The following CRACDL variants were observed in gnomAD, a reference collection of about 807,000 sequenced individuals.
CRACDL encodes the protein CRACD like.
Under a neutral mutation model 70.6 loss-of-function variants are expected in CRACDL, and 26 were observed. The ratio of observed to expected loss-of-function variants is 0.37; its 90% CI spans 0.27 to 0.51. CRACDL has a LOEUF of 0.51. Ranked by LOEUF, CRACDL falls within the 20% of genes least tolerant of loss-of-function variation. The pLI, the probability that CRACDL is intolerant of heterozygous loss-of-function variation, is 0.94. For synonymous variants in CRACDL, 618 were observed against 615.2 expected (o/e 1.00, Z -0.07); for missense variants, 1,283 against 1,376.9 (o/e 0.93, Z 1.08).
intron 7 of CRACDL, among the ~76,000 whole-genome samples, chr2:98,802,269 C>A (rs1421832451): frequency 2.6e-5 from 4 of 152,264 alleles, no homozygotes; most frequent in African/African-American, 9.6e-5. Context: ...GCACCGCAGT[C>A]CCGCTATCCA....
In CRACDL at chr2:98,822,442, C is replaced by A; in HGVS notation, c.1831G>T (p.Ala611Ser). ...AGACCCTGGAGGTCGTCAAGAGCCG[C>A]CTCGCTCCTCCAGACCGGGCCGCTC... ...ARSGPVWRSE[A>S]ALDDLQGLPE... The change falls in exon 7 of 10, where the codon GCG (alanine) becomes TCG (serine). Residue 611 changes from alanine (A) to serine (S), a missense_variant. Ala to Ser is a moderately conservative substitution (Grantham distance 99). Transcript: ENST00000397899. This position sits in a 1 kb window ranked among gnomAD's most constrained non-coding sequence, Gnocchi z 4.9. 6.7e-7 allele frequency: 1 copy of A among 1,483,518 alleles called. No individual in the cohort carries two copies. Among genetic ancestry groups the A allele is most frequent in the Non-Finnish European group, 8.9e-7 (1 of 1,125,148 alleles). The allele number at this position is 1,483,518 out of a possible 1,614,324, so 91.9% of individuals were successfully genotyped here. A position where few individuals can be genotyped will look rare whatever the true frequency, so the allele number is the denominator to read the frequency against.
intron 7 of CRACDL, among the ~76,000 whole-genome samples, chr2:98,820,401 G>A (rs571559676): frequency 1.6e-4 from 24 of 151,228 alleles, no homozygotes; most frequent in Non-Finnish European, 3.0e-4. Context: ...GTGTAGTATC[G>A]TGTGTGCCTG....
At chr2:98,901,873 T>G (rs1489388281) in intron 1 of CRACDL, among the ~76,000 whole-genome samples, 3 of 151,224 alleles carry the variant, frequency 2.0e-5, no homozygotes, top group Admixed American at 6.6e-5. Context: ...TGGCTGCACA[T>G]CAGGATCAAA....
intron 1 of CRACDL, among the ~76,000 whole-genome samples, chr2:98,864,378 G>GAT (rs2104579885): frequency 1.3e-5 from 2 of 152,274 alleles, no homozygotes; most frequent in African/African-American, 4.8e-5. Flanking sequence ...GAGACACAGA[G>GAT]TAGATTAGTG....
intron 7 of CRACDL, among the ~76,000 whole-genome samples, chr2:98,821,084 AGTTTTTAC>A (rs1395929169): frequency 1.3e-5 from 2 of 152,248 alleles, no homozygotes; most frequent in Non-Finnish European, 2.9e-5. Flanking sequence ...TATCAAAATC[AGTTTTTAC>A]GTTTCTCTTT....
At chr2:98,914,296 C>G (rs1466225570) in intron 1 of CRACDL, among the ~76,000 whole-genome samples, 2 of 152,200 alleles carry the variant, frequency 1.3e-5, no homozygotes, top group Admixed American at 6.5e-5. Flanking sequence ...CCCAGCCCCC[C>G]ACAGCAAGGA....
At chr2:98,905,113 A>G (rs1011448220) in intron 1 of CRACDL, among the ~76,000 whole-genome samples, 2 of 151,502 alleles carry the variant, frequency 1.3e-5, no homozygotes, top group African/African-American at 2.4e-5. Context: ...AGCCGGGCAT[A>G]GTGGCGGGTG....
chr2:98,804,466 AT>A (rs1559201452), intron 7 of CRACDL, among the ~76,000 whole-genome samples: 3 of 152,196 alleles, frequency 2.0e-5, no homozygotes, highest in Non-Finnish European at 4.4e-5. Context: ...GAGTTTCCCA[AT>A]GTGCAAGTTC....
chr2:98,935,688 G>A (rs945311738), intron 1 of CRACDL, among the ~76,000 whole-genome samples: 4 of 152,218 alleles, frequency 2.6e-5, no homozygotes, highest in African/African-American at 9.6e-5. Context: ...GTTGGGTCCA[G>A]CAAAGTGAGC....
At chr2:98,902,645 T>C (rs1381339842) in intron 1 of CRACDL, among the ~76,000 whole-genome samples, 1 of 152,030 alleles carries the variant, frequency 6.6e-6, no homozygotes, top group Non-Finnish European at 1.5e-5. Flanking sequence ...GGCCTGACCA[T>C]CCCTGGAGCT....
intron 1 of CRACDL, among the ~76,000 whole-genome samples, chr2:98,874,434 C>G (rs562737313): frequency 6.6e-6 from 1 of 152,302 alleles, no homozygotes; most frequent in African/African-American, 2.4e-5. Context: ...ATGCCCTAGC[C>G]GGGAGTCAGG....
chr2:98,927,206 A>G (rs1419162694), intron 1 of CRACDL, among the ~76,000 whole-genome samples: 2 of 152,168 alleles, frequency 1.3e-5, no homozygotes, highest in Non-Finnish European at 2.9e-5. Flanking sequence ...ACTAATGCAG[A>G]GCAGCAGGTG....
At chr2:98,831,756 GC>G (rs1000271352) in intron 5 of CRACDL, among the ~76,000 whole-genome samples, 2 of 152,134 alleles carry the variant, frequency 1.3e-5, no homozygotes, top group African/African-American at 2.4e-5. Flanking sequence ...GTTCCTCGGG[GC>G]CCCCCTCTTG....
At chr2:98,809,125 T>C (rs1314547840) in intron 7 of CRACDL, among the ~76,000 whole-genome samples, 2 of 152,144 alleles carry the variant, frequency 1.3e-5, no homozygotes, top group Non-Finnish European at 2.9e-5. Context: ...ATGTGTAGCC[T>C]CTGGGCGAAG....
At chr2:98,828,830 A>G (rs985671789) in intron 5 of CRACDL, among the ~76,000 whole-genome samples, 5 of 152,244 alleles carry the variant, frequency 3.3e-5, no homozygotes, top group Non-Finnish European at 7.3e-5. Context: ...TCTCCTGGCA[A>G]CAAGTACATC....
At chr2:98,849,539 C>G (rs892028476) in intron 1 of CRACDL, among the ~76,000 whole-genome samples, 1 of 151,582 alleles carries the variant, frequency 6.6e-6, no homozygotes, top group African/African-American at 2.4e-5. Context: ...CTGCACGGGG[C>G]AGAGGGTTCA....
intron 1 of CRACDL, among the ~76,000 whole-genome samples, chr2:98,851,998 A>T (rs1706500336): frequency 6.6e-6 from 1 of 152,188 alleles, no homozygotes; most frequent in African/African-American, 2.4e-5. Context: ...TTATGTGTGT[A>T]GGGCTTTTGA....
chr2:98,867,395 C>A (rs1238943176), intron 1 of CRACDL, among the ~76,000 whole-genome samples: 1 of 152,156 alleles, frequency 6.6e-6, no homozygotes, highest in African/African-American at 2.4e-5. Flanking sequence ...TAAGCCTGCA[C>A]GAACACCCCT....
chr2:98,800,120 C>T (rs1242221041), intron 7 of CRACDL, among the ~76,000 whole-genome samples: 9 of 152,208 alleles, frequency 5.9e-5, no homozygotes, highest in African/African-American at 1.2e-4. Context: ...TGAGCAAGGA[C>T]GACCTTATAT....
Sources: allele counts gnomAD v4.1 joint callset (sites outside exome capture counted in the v4.1 genomes callset), GRCh38; gene constraint gnomAD v4.1.1; non-coding constraint Gnocchi (gnomAD v3.1); transcripts MANE v1.5; gene names NCBI Gene and HGNC (gene_info 2026-07-23, HGNC 2026-07-21).